Variants in RABGEF1 observed in about 807,000 individuals in gnomAD.
RABGEF1 encodes the protein RAB guanine nucleotide exchange factor 1.
A neutral mutation model predicts 57.3 loss-of-function variants in RABGEF1; 26 were observed. The ratio of observed to expected loss-of-function variants is 0.45; its 90% CI spans 0.33 to 0.63. The LOEUF (loss-of-function observed/expected upper bound fraction) is 0.63, where lower values mean the gene tolerates loss of function less well. Among genes scored for constraint, RABGEF1 ranks in the 20% least tolerant of loss-of-function variants. RABGEF1 has a pLI of 0.02. For missense variants in RABGEF1, 464 were observed against 607.6 expected (o/e 0.76, Z 2.48); for synonymous variants, 185 against 210.7 (o/e 0.88, Z 1.06).
At chr7:66,682,672 G>A (rs1263352287) in intron 1 of RABGEF1, among the ~76,000 whole-genome samples, 2 of 150,006 alleles carry the variant, frequency 1.3e-5, no homozygotes, top group Non-Finnish European at 3.0e-5. Flanking sequence ...GCGCCGGGAT[G>A]GGACGCTCGG....
At chr7:66,785,410 A>G (rs1233243562) in intron 4 of RABGEF1, among the ~76,000 whole-genome samples, 1 of 152,174 alleles carries the variant, frequency 6.6e-6, no homozygotes, top group Non-Finnish European at 1.5e-5. Context: ...TGTTTTTTAA[A>G]CTGAATGTCC....
intron 1 of RABGEF1, among the ~76,000 whole-genome samples, chr7:66,696,559 G>A (rs1236282243): frequency 1.3e-5 from 2 of 151,860 alleles, no homozygotes; most frequent in African/African-American, 2.4e-5. Context: ...GCATGATGGC[G>A]GGTACCTGAA....
At chr7:66,724,365 T>A (rs201310190) in intron 2 of RABGEF1, among the ~76,000 whole-genome samples, 2,256 of 151,156 alleles carry the variant, frequency 0.015, 58 homozygotes, top group East Asian at 0.091. Flanking sequence ...TTATTTATTT[T>A]ATTTTTTTTT....
Position 66,770,969 on chromosome 7 carries a change from TTTG to T in RABGEF1, c.-17-890_-17-888del, listed in dbSNP as rs144702649. On this transcript the variant is annotated intron_variant, in intron 1 of 8. Transcript: ENST00000284957. ...CCATTTGTTAATCGGATTATTTGGG[TTTG>T]TTGTTGTTGTTGTTGTTGTTGTTAT... Among the ~76,000 whole-genome samples, 689 of 151,656 alleles carry T rather than the reference TTTG, an allele frequency of 4.5e-3. 5 individuals are homozygous for T. Among genetic ancestry groups the T allele is most frequent in the African/African-American group, 0.01 (419 of 41,366 alleles).
intron 1 of RABGEF1, among the ~76,000 whole-genome samples, chr7:66,742,981 G>T (rs1199113665): frequency 2.0e-5 from 3 of 152,110 alleles, no homozygotes; most frequent in Non-Finnish European, 4.4e-5. Context: ...ACAGAACCAG[G>T]GGAAGTTTTT....
chr7:66,706,307 A>G (rs1268276642), intron 1 of RABGEF1, among the ~76,000 whole-genome samples: 1 of 152,168 alleles, frequency 6.6e-6, no homozygotes, highest in African/African-American at 2.4e-5. Flanking sequence ...GTATGAACAT[A>G]TACTTTCATT....
the RABGEF1 span, among the ~76,000 whole-genome samples, chr7:66,656,681 G>A: frequency 6.6e-6 from 1 of 152,050 alleles, no homozygotes; most frequent in African/African-American, 2.4e-5. Context: ...TTAGCCGGCT[G>A]TGATGGCACC....
At chr7:66,767,192 G>A (rs1805967091) in intron 1 of RABGEF1, among the ~76,000 whole-genome samples, 1 of 151,626 alleles carries the variant, frequency 6.6e-6, no homozygotes, top group Non-Finnish European at 1.5e-5. Flanking sequence ...TAATAGAGAC[G>A]AGGTTTTGCC....
At position 66,753,198 on chromosome 7, in the gene RABGEF1, A is replaced by G. The variant is rs1032416527; in HGVS notation, c.-18+12406A>G. Among the ~76,000 whole-genome samples, 69 of 152,318 alleles carry G rather than the reference A, an allele frequency of 4.5e-4. 1 individual carries two copies. The highest frequency in any genetic ancestry group is 1.6e-3 in the African/African-American group (67 of 41,580). On this transcript the variant is annotated intron_variant, in intron 1 of 8. Coordinates refer to ENST00000284957, the MANE Select transcript of RABGEF1 (RefSeq NM_014504.3). ...ACAGAAGGGTATTCTAAGTGGGTTC[A>G]TAAATAGGATGACCATGTAACTTAT...
intron 2 of RABGEF1, among the ~76,000 whole-genome samples, chr7:66,713,963 G>A (rs1285873378): frequency 1.1e-4 from 17 of 152,098 alleles, no homozygotes; most frequent in Admixed American, 1.0e-3. Flanking sequence ...GGTGCATTCT[G>A]TTTGCTACTT....
intron 1 of RABGEF1, among the ~76,000 whole-genome samples, chr7:66,695,723 T>C (rs1386112886): frequency 5.3e-5 from 8 of 152,086 alleles, no homozygotes; most frequent in Non-Finnish European, 1.0e-4. Flanking sequence ...CCTAGCACTT[T>C]GGGAGGCTGA....
intron 1 of RABGEF1, among the ~76,000 whole-genome samples, chr7:66,766,165 C>G (rs1184761339): frequency 6.6e-6 from 1 of 151,762 alleles, no homozygotes; most frequent in Non-Finnish European, 1.5e-5. Context: ...GGCGAAACAC[C>G]GCCTCTACAA....
chr7:66,690,401 A>AT (rs1791350713), intron 1 of RABGEF1, among the ~76,000 whole-genome samples: 2 of 148,960 alleles, frequency 1.3e-5, no homozygotes, highest in Admixed American at 1.3e-4. Flanking sequence ...GCCCGGCCTG[A>AT]TAAAAAATTC....
At chr7:66,798,164 G>T (rs367546520) in intron 6 of RABGEF1, among the ~76,000 whole-genome samples, 1 of 152,246 alleles carries the variant, frequency 6.6e-6, no homozygotes, top group Admixed American at 6.5e-5. Flanking sequence ...TTCCTCCCAG[G>T]GGTGTGCATT....
intron 2 of RABGEF1, among the ~76,000 whole-genome samples, chr7:66,732,809 C>G (rs181483614): frequency 6.6e-6 from 1 of 152,150 alleles, no homozygotes. Flanking sequence ...CGCTTTTGCT[C>G]TCGCTCTCAC....
chr7:66,730,614 C>T (rs770759908), intron 2 of RABGEF1, among the ~76,000 whole-genome samples: 8 of 149,952 alleles, frequency 5.3e-5, no homozygotes, highest in Non-Finnish European at 1.2e-4. Flanking sequence ...GCTGGAGTGC[C>T]ATGGTACAGT....
At chr7:66,703,607 A>G (rs892594801) in intron 1 of RABGEF1, among the ~76,000 whole-genome samples, 9 of 152,178 alleles carry the variant, frequency 5.9e-5, no homozygotes, top group African/African-American at 2.2e-4. Flanking sequence ...TCAGTTGACA[A>G]TAGATGTATT....
At chr7:66,714,389 T>G (rs1380555351) in intron 2 of RABGEF1, among the ~76,000 whole-genome samples, 1 of 152,226 alleles carries the variant, frequency 6.6e-6, no homozygotes, top group East Asian at 1.9e-4. Flanking sequence ...CTTCTAACAT[T>G]TGTAGAATTT....
At chr7:66,769,301 T>G (rs1806500782) in intron 1 of RABGEF1, among the ~76,000 whole-genome samples, 1 of 152,248 alleles carries the variant, frequency 6.6e-6, no homozygotes, top group African/African-American at 2.4e-5. Context: ...GTGAGGCCTC[T>G]CTCCCCAGCA....
Sources: gnomAD v4.1 joint callset for allele counts (sites outside exome capture counted in the v4.1 genomes callset) on GRCh38, gnomAD v4.1.1 for gene constraint, MANE v1.5 for transcripts, NCBI Gene and HGNC (gene_info 2026-07-23, HGNC 2026-07-21) for gene names.